MSH3: variants seen among roughly 807,000 people sequenced by gnomAD.
MSH3 encodes DNA mismatch repair protein Msh3.
Under a neutral mutation model 123.3 loss-of-function variants are expected in MSH3, and 106 were observed. The observed-to-expected ratio is 0.86, with a 90% CI of 0.73 to 1.01. MSH3 has a LOEUF of 1.01. Among genes scored for constraint, MSH3 ranks in the 50% least tolerant of loss-of-function variants. MSH3 has a pLI of 0.00. For synonymous variants in MSH3, 515 were observed against 481.4 expected (o/e 1.07, Z -0.91); for missense variants, 1,459 against 1,347.6 (o/e 1.08, Z -1.29).
At chr5:80,848,056 C>T (rs550421979) in intron 20 of MSH3, among the ~76,000 whole-genome samples, 1 of 152,228 alleles carries the variant, frequency 6.6e-6, no homozygotes, top group South Asian at 2.1e-4. Flanking sequence ...CATGGTGGAA[C>T]CCCATCTCTA....
chr5:80,738,446 T>TG (rs1441339092), intron 10 of MSH3, among the ~76,000 whole-genome samples: 1 of 152,162 alleles, frequency 6.6e-6, no homozygotes, highest in African/African-American at 2.4e-5. Flanking sequence ...CACTTTTAGT[T>TG]GGAGTCAGGG....
intron 12 of MSH3, among the ~76,000 whole-genome samples, chr5:80,747,967 G>A (rs914295580): frequency 6.6e-6 from 1 of 152,204 alleles, no homozygotes; most frequent in African/African-American, 2.4e-5. Flanking sequence ...GCATGATGGT[G>A]TTGTTGTTTA....
At chr5:80,808,105 A>G (rs920151986) in intron 19 of MSH3, among the ~76,000 whole-genome samples, 5 of 152,174 alleles carry the variant, frequency 3.3e-5, no homozygotes, top group African/African-American at 4.8e-5. Context: ...TTGTTAGTAT[A>G]TAGGTCATAT....
chr5:80,723,856 G>A lies in MSH3; in HGVS notation c.1341-1597G>A, dbSNP rs538210858. Among the ~76,000 whole-genome samples the A allele has an allele frequency of 2.6e-3, 393 of 152,098 alleles. 2 individuals are homozygous for A. Among genetic ancestry groups the A allele is most frequent in the African/African-American group, 8.9e-3 (368 of 41,478 alleles). Reference sequence around the variant, plus strand: ...CAGCTCATTGCAGCCTTGACTCCCTGGGCTCAAGTGATCCTCCCACCTCAG... The same window carrying A: ...CAGCTCATTGCAGCCTTGACTCCCTAGGCTCAAGTGATCCTCCCACCTCAG... On this transcript the variant is annotated intron_variant, in intron 8 of 23. Coordinates refer to ENST00000265081, the MANE Select transcript of MSH3 (RefSeq NM_002439.5).
chr5:80,655,129 G>A (rs952676958), intron 1 of MSH3, 165 bp downstream of exon 1: 1 of 517,470 alleles, frequency 1.9e-6, no homozygotes, highest in African/African-American at 2.0e-5. Flanking sequence ...GCTACAAATT[G>A]GGTGAAGCGC....
intron 8 of MSH3, among the ~76,000 whole-genome samples, chr5:80,717,099 T>C (rs1250191573): frequency 6.6e-6 from 1 of 152,198 alleles, no homozygotes; most frequent in Admixed American, 6.5e-5. Flanking sequence ...TTTCATTATC[T>C]GTTCATCCAT....
At chr5:80,792,494 A>G (rs541947350) in intron 18 of MSH3, among the ~76,000 whole-genome samples, 3 of 152,222 alleles carry the variant, frequency 2.0e-5, no homozygotes, top group African/African-American at 7.2e-5. Context: ...AGACTCTTCT[A>G]AAGTATGTGC....
intron 22 of MSH3, among the ~76,000 whole-genome samples, chr5:80,871,421 CTG>C (rs1429735729): frequency 6.6e-6 from 1 of 152,206 alleles, no homozygotes; most frequent in Non-Finnish European, 1.5e-5. Flanking sequence ...AGGCTGAAAA[CTG>C]TAGCCCTGTA....
At chr5:80,816,334 A>G (rs1021901053) in intron 20 of MSH3, among the ~76,000 whole-genome samples, 5 of 152,240 alleles carry the variant, frequency 3.3e-5, no homozygotes, top group Non-Finnish European at 7.3e-5. Flanking sequence ...GGCTTCCCTT[A>G]GCAAGTAACT....
At chr5:80,861,254 G>A (rs1415333325) in intron 21 of MSH3, among the ~76,000 whole-genome samples, 2 of 152,132 alleles carry the variant, frequency 1.3e-5, no homozygotes, top group Non-Finnish European at 2.9e-5. Flanking sequence ...TGATGTATTG[G>A]GTAAAAGGAA....
chr5:80,679,890 C>CT (rs1174822078), intron 8 of MSH3, among the ~76,000 whole-genome samples: 1 of 152,144 alleles, frequency 6.6e-6, no homozygotes, highest in African/African-American at 2.4e-5. Context: ...GCGAAGTAGA[C>CT]TGTATATTGA....
intron 23 of MSH3, 42 bp downstream of exon 23, chr5:80,873,329 C>T (rs200941525): frequency 1.9e-6 from 3 of 1,597,348 alleles, no homozygotes; most frequent in East Asian, 2.3e-5. Context: ...GTAATGAAAC[C>T]TTCTAAGTTG....
intron 8 of MSH3, among the ~76,000 whole-genome samples, chr5:80,710,545 C>T (rs1049327132): frequency 2.6e-5 from 4 of 152,136 alleles, no homozygotes; most frequent in Non-Finnish European, 5.9e-5. Context: ...GAAGGTATTT[C>T]TTTACAAACC....
chr5:80,830,974 A>G (rs1408759326), intron 20 of MSH3, among the ~76,000 whole-genome samples: 1 of 152,202 alleles, frequency 6.6e-6, no homozygotes, highest in East Asian at 1.9e-4. Context: ...AGAAGGAAGG[A>G]TTATATGAGA....
intron 10 of MSH3, among the ~76,000 whole-genome samples, chr5:80,740,503 G>C (rs919382076): frequency 6.6e-6 from 1 of 150,810 alleles, no homozygotes; most frequent in African/African-American, 2.4e-5. Context: ...GACTACAGGC[G>C]TGCGCCACTA....
chr5:80,815,810 C>A (rs1318871382), intron 20 of MSH3, among the ~76,000 whole-genome samples: 1 of 152,108 alleles, frequency 6.6e-6, no homozygotes, highest in Non-Finnish European at 1.5e-5. Context: ...TAGTTTTTGT[C>A]CAGCTTTTAA....
In MSH3 at chr5:80,857,031, A is replaced by G. The variant is rs146246292; in HGVS notation, c.3000+2715A>G. On this transcript the variant is annotated intron_variant, in intron 21 of 23. Coordinates refer to ENST00000265081, the MANE Select transcript of MSH3 (RefSeq NM_002439.5). ...CACCGTTAAGTATGATGTTAGCTAG[A>G]GGTTGTTTGTGGATATTCCTTACCA... Among the ~76,000 whole-genome samples, 10 of 152,294 alleles carry G rather than the reference A, an allele frequency of 6.6e-5. No individual in the cohort carries two copies. The East Asian group carries it at 1.9e-3, about 29-fold the overall frequency.
intron 15 of MSH3, among the ~76,000 whole-genome samples, chr5:80,769,441 A>T (rs556013778): frequency 6.6e-6 from 1 of 152,208 alleles, no homozygotes; most frequent in Admixed American, 6.5e-5. Flanking sequence ...TGCTAAAAAA[A>T]ACAAGTCTAG....
intron 2 of MSH3, among the ~76,000 whole-genome samples, chr5:80,659,976 T>G (rs1371816497): frequency 1.3e-5 from 2 of 152,146 alleles, no homozygotes; most frequent in Non-Finnish European, 2.9e-5. Flanking sequence ...AAGGAAACTT[T>G]TATACTCACA....
Sources: allele counts gnomAD v4.1 joint callset (sites outside exome capture counted in the v4.1 genomes callset), GRCh38; gene constraint gnomAD v4.1.1; transcripts MANE v1.5; gene names NCBI Gene and HGNC (gene_info 2026-07-23, HGNC 2026-07-21).